The following LDHAL6A variants were observed in gnomAD, a reference collection of about 807,000 sequenced individuals.
The protein encoded by LDHAL6A is lactate dehydrogenase A like 6A.
A neutral mutation model predicts 28.2 loss-of-function variants in LDHAL6A; 19 were observed. The ratio of observed to expected loss-of-function variants is 0.67; its 90% confidence interval spans 0.47 to 0.99. The LOEUF (loss-of-function observed/expected upper bound fraction) is 0.99, where lower values mean the gene tolerates loss of function less well. Among genes scored for constraint, LDHAL6A ranks in the 50% least tolerant of loss-of-function variants. LDHAL6A has a pLI of 0.00. For missense variants in LDHAL6A, 372 were observed against 398.6 expected, an observed-to-expected ratio of 0.93 and a Z score of 0.57; for synonymous variants, 144 against 134.4, an observed-to-expected ratio of 1.07 and a Z score of -0.49.
chr11:18,463,059 T>C (rs1178576845), intron 1 of LDHAL6A, among the ~76,000 whole-genome samples: 1 of 152,174 alleles, frequency 6.6e-6, no homozygotes, highest in East Asian at 1.9e-4. Flanking sequence ...AATAACTGTC[T>C]GATTATAGAA....
At chr11:18,459,173 G>C (rs998385692) in intron 1 of LDHAL6A, among the ~76,000 whole-genome samples, 2 of 152,114 alleles carry the variant, frequency 1.3e-5, no homozygotes, top group African/African-American at 2.4e-5. Context: ...ATTTGAGTCC[G>C]AGGACTGAGA....
In LDHAL6A at chr11:18,456,565, C is replaced by CCG; in HGVS notation, c.-116_-115insCG. On this transcript the variant is annotated 5_prime_UTR_variant, in exon 1 of 7. An upstream open reading frame in the 5' UTR gains an earlier in-frame stop. Transcript: ENST00000280706. ...TGTGTCTGCAGCACCTCCTTCCACA[C>CCG]GGGCCCAGGAGTTCTCTATACGCGC... 2 of 863,218 alleles carry CCG rather than the reference C, an allele frequency of 2.3e-6. 1 individual carries two copies. Among genetic ancestry groups the CCG allele is most frequent in the Non-Finnish European group, 3.6e-6 (2 of 548,772 alleles). The allele number at this position is 863,218 out of a possible 1,614,324, so 53.5% of individuals were successfully genotyped here. A position where few individuals can be genotyped will look rare whatever the true frequency, so the allele number is the denominator to read the frequency against.
chr11:18,474,814 C>A (rs1470822816), intron 3 of LDHAL6A, among the ~76,000 whole-genome samples: 1 of 152,224 alleles, frequency 6.6e-6, no homozygotes, highest in Non-Finnish European at 1.5e-5. Flanking sequence ...CTGGGCAGCA[C>A]AGCAAGACCC....
At chr11:18,474,598 G>A (rs1264814072) in intron 3 of LDHAL6A, among the ~76,000 whole-genome samples, 4 of 151,946 alleles carry the variant, frequency 2.6e-5, no homozygotes, top group African/African-American at 9.7e-5. Context: ...TGTTGGCCAG[G>A]ATGGTGTCAA....
intron 2 of LDHAL6A, among the ~76,000 whole-genome samples, chr11:18,464,496 C>A (rs1316427575): frequency 6.6e-6 from 1 of 152,144 alleles, no homozygotes; most frequent in African/African-American, 2.4e-5. Flanking sequence ...AGGTGGATCA[C>A]CTGAGGTTGG....
intron 3 of LDHAL6A, among the ~76,000 whole-genome samples, chr11:18,473,910 C>T (rs1849305228): frequency 6.6e-6 from 1 of 152,076 alleles, no homozygotes; most frequent in Admixed American, 6.5e-5. Flanking sequence ...CCTTCTGTTC[C>T]TAGATTTAGT....
Position 18,467,878 on chromosome 11 carries a change from CACATAT to C in LDHAL6A, c.418+2070_418+2075del, listed in dbSNP as rs1317148248. Among the ~76,000 whole-genome samples the C allele has an allele frequency of 9.4e-3, 340 of 36,216 alleles. 20 individuals are homozygous for C. Among genetic ancestry groups the C allele is most frequent in the African/African-American group, 0.031 (258 of 8,244 alleles). The allele number at this position is 36,216 out of a possible 152,430, so 23.8% of individuals were successfully genotyped here. A position where few individuals can be genotyped will look rare whatever the true frequency, so the allele number is the denominator to read the frequency against. ...CTCAAAAAAAATATATATATATACA[CACATAT>C]ATATATATATATATATATATATATA... On this transcript the variant is annotated intron_variant, in intron 3 of 6. Coordinates refer to ENST00000280706, the MANE Select transcript of LDHAL6A (RefSeq NM_144972.5).
At position 18,463,972 on chromosome 11, in the gene LDHAL6A, T is replaced by C. The variant is rs1189066728; in HGVS notation, c.138T>C (p.Asp46=). The C allele has an allele frequency of 6.2e-7, 1 of 1,611,924 alleles. No individual in the cohort carries two copies. Among genetic ancestry groups the C allele is most frequent in the Non-Finnish European group, 8.5e-7 (1 of 1,178,160 alleles). The change falls in exon 2 of 7, where the codon GAT becomes GAC. Residue 46 remains aspartate (D), a synonymous_variant. Coordinates refer to ENST00000280706, the MANE Select transcript of LDHAL6A (RefSeq NM_144972.5). ...ACAATGTTTTTCAGGGTTTGAGTGA[T>C]GAACTTGTCCTTGTGGATGTTGATG... is the stretch of plus-strand genomic sequence containing the variant. ...AISILLKGLS[D]ELVLVDVDEG...
At chr11:18,460,553 A>G (rs1848871428) in intron 1 of LDHAL6A, among the ~76,000 whole-genome samples, 1 of 147,722 alleles carries the variant, frequency 6.8e-6, no homozygotes, top group South Asian at 2.2e-4. Flanking sequence ...AGATCGCACC[A>G]TTGCACTCCA....
chr11:18,469,227 A>T (rs1161594203), intron 3 of LDHAL6A: 1 of 626,734 alleles, frequency 1.6e-6, no homozygotes, highest in Admixed American at 2.9e-5. Context: ...GTCTGTGGGG[A>T]CAGTAAGTTC....
In LDHAL6A at chr11:18,478,747, A is replaced by G. The variant is rs774217796; in HGVS notation, c.876A>G (p.Pro292=). 6 of 1,613,048 alleles carry G rather than the reference A, an allele frequency of 3.7e-6. No individual in the cohort carries two copies. Among genetic ancestry groups the G allele is most frequent in the South Asian group, 2.2e-5 (2 of 91,064 alleles). ...GINEDIFLSV[P]CILGENGITD... ...ATGAAGACATATTCCTTAGTGTCCC[A>G]TGTATCCTGGGAGAGAATGGTATCA... Residue 292 remains proline, a synonymous_variant, in exon 7 of 7, where the codon CCA becomes CCG. Coordinates refer to ENST00000280706, the MANE Select transcript of LDHAL6A (RefSeq NM_144972.5).
rs757280183 is a variant in LDHAL6A, at chr11:18,475,655, G to C, written c.592+16G>C. 4.4e-6 allele frequency: 7 copies of C among 1,598,568 alleles called. No homozygotes were observed. Among genetic ancestry groups the C allele is most frequent in the Non-Finnish European group, 8.5e-7 (1 of 1,172,080 alleles). ...GACTCAAGTGGTAAGCCTGAGGCACGATTGAGCCTCTGAAATATCTATTTC... is the reference window on the plus strand; with the variant it reads ...GACTCAAGTGGTAAGCCTGAGGCACCATTGAGCCTCTGAAATATCTATTTC... On this transcript the variant is annotated intron_variant, in intron 4 of 6. Coordinates refer to ENST00000280706, the MANE Select transcript of LDHAL6A (RefSeq NM_144972.5).
chr11:18,462,404 G>T (rs1350524420), intron 1 of LDHAL6A, among the ~76,000 whole-genome samples: 1 of 151,898 alleles, frequency 6.6e-6, no homozygotes, highest in Admixed American at 6.6e-5. Flanking sequence ...TTGGGAGGCA[G>T]AGGCGGGCGG....
At chr11:18,474,719 G>A (rs891483462) in intron 3 of LDHAL6A, among the ~76,000 whole-genome samples, 6 of 151,900 alleles carry the variant, frequency 3.9e-5, no homozygotes, top group Admixed American at 3.3e-4. Flanking sequence ...ATATTTTTTA[G>A]GCTGGGCATG....
At position 18,476,445 on chromosome 11, in the gene LDHAL6A, A is replaced by C. The variant is rs749798106; in HGVS notation, c.654A>C (p.Ile218=). ...GVPLKDLNPD[I]GTDKDPEQWE... Reference sequence around the variant, plus strand: ...CTCTGAAGGATCTGAACCCAGATATAGGAACTGATAAAGATCCTGAGCAGT... The same window carrying C: ...CTCTGAAGGATCTGAACCCAGATATCGGAACTGATAAAGATCCTGAGCAGT... Residue 218 remains isoleucine (I), a synonymous_variant, in exon 5 of 7, where the codon ATA becomes ATC. Transcript: ENST00000280706. 1.9e-6 allele frequency: 3 copies of C among 1,614,164 alleles called. No homozygotes were observed. Among genetic ancestry groups the C allele is most frequent in the Non-Finnish European group, 2.5e-6 (3 of 1,179,990 alleles).
chr11:18,469,196 C>A, intron 3 of LDHAL6A: 2 of 641,078 alleles, frequency 3.1e-6, no homozygotes. Context: ...ATTAATTTCT[C>A]TAACCGTTCA....
intron 3 of LDHAL6A, among the ~76,000 whole-genome samples, chr11:18,467,918 TACACAC>T (rs1164319622): frequency 4.0e-5 from 2 of 49,716 alleles, no homozygotes; most frequent in African/African-American, 2.4e-4. Context: ...TATATATATA[TACACAC>T]ACATATATAT....
intron 1 of LDHAL6A, among the ~76,000 whole-genome samples, chr11:18,460,239 G>A (rs955506012): frequency 2.2e-4 from 34 of 152,188 alleles, no homozygotes; most frequent in Non-Finnish European, 2.9e-5. Flanking sequence ...TTTGAGACCA[G>A]CCTAGGCAAC....
intron 6 of LDHAL6A, among the ~76,000 whole-genome samples, chr11:18,478,305 AGG>A (rs1485340523): frequency 2.0e-5 from 3 of 152,180 alleles, no homozygotes; most frequent in African/African-American, 7.2e-5. Context: ...TGAGGAAAGA[AGG>A]GTGAGCCCCA....
Sources: gnomAD v4.1 joint callset for allele counts (sites outside exome capture counted in the v4.1 genomes callset) on GRCh38, gnomAD v4.1.1 for gene constraint, MANE v1.5 for transcripts, NCBI Gene and HGNC (gene_info 2026-07-23, HGNC 2026-07-21) for gene names.